LNX1: variants seen among roughly 807,000 people sequenced by gnomAD.
LNX1 encodes the protein E3 ubiquitin-protein ligase LNX.
In LNX1, 54 loss-of-function variants were observed where a neutral mutation model predicts 68.4. That is an observed-to-expected ratio of 0.79 (90% CI 0.63 to 0.99). The LOEUF is 0.99. Among genes scored for constraint, LNX1 ranks in the 50% least tolerant of loss-of-function variants. The pLI is 0.00. For synonymous variants in LNX1, 336 were observed against 350.0 expected, an observed-to-expected ratio of 0.96 and a Z score of 0.45; for missense variants, 906 against 926.4, an observed-to-expected ratio of 0.98 and a Z score of 0.29.
intron 2 of LNX1, among the ~76,000 whole-genome samples, chr4:53,569,570 A>G (rs1485880614): frequency 6.8e-6 from 1 of 146,372 alleles, no homozygotes; most frequent in Non-Finnish European, 1.5e-5. Context: ...CTAGAAGAAA[A>G]CCTAGGCATT....
intron 9 of LNX1, among the ~76,000 whole-genome samples, chr4:53,462,992 C>T (rs1722291148): frequency 1.3e-5 from 2 of 152,126 alleles, no homozygotes; most frequent in South Asian, 4.1e-4. Flanking sequence ...ATTACATTCC[C>T]ACCTGGGAGG....
chr4:53,511,995 G>T (rs1030241306), intron 2 of LNX1, among the ~76,000 whole-genome samples: 1 of 152,102 alleles, frequency 6.6e-6, no homozygotes, highest in Non-Finnish European at 1.5e-5. Context: ...TCTTTCTCTT[G>T]GTTCACTGTT....
In LNX1 at chr4:53,461,435, C is replaced by A; in HGVS notation, c.2051G>T (p.Arg684Ile). The A allele has an allele frequency of 6.2e-7, 1 of 1,602,630 alleles. No homozygotes were observed. Among genetic ancestry groups the A allele is most frequent in the South Asian group, 1.1e-5 (1 of 89,772 alleles). The change falls in exon 10 of 11, where the codon AGA (arginine) becomes ATA (isoleucine). Residue 684 changes from arginine to isoleucine, a missense_variant and splice_region_variant. By Grantham distance (97) the Arg-to-Ile change is moderately conservative (BLOSUM62 -3). Transcript: ENST00000263925. ...ATTTTTGATTAGTCATTATTATTAC[C>A]TAATTCTTCCATCATTGTATGCTGG... The part of the protein sequence containing the change: ...GTPAYNDGRI[R>I]CGDILLAVNG...
chr4:53,625,115 G>A (rs761779646), intron 1 of LNX1, among the ~76,000 whole-genome samples: 4 of 152,150 alleles, frequency 2.6e-5, no homozygotes, highest in Non-Finnish European at 5.9e-5. Flanking sequence ...AGCAAAAGCT[G>A]TGAAACTCTT....
At chr4:53,526,665 AC>A (rs1727632363) in intron 2 of LNX1, among the ~76,000 whole-genome samples, 1 of 151,284 alleles carries the variant, frequency 6.6e-6, no homozygotes, top group Non-Finnish European at 1.5e-5. Flanking sequence ...GCTCAACAAT[AC>A]CCTATTCCAT....
chr4:53,563,370 C>A (rs1730413891), intron 2 of LNX1, among the ~76,000 whole-genome samples: 1 of 152,182 alleles, frequency 6.6e-6, no homozygotes, highest in Non-Finnish European at 1.5e-5. Flanking sequence ...AAAGTAAACA[C>A]TTGCCTGTTA....
chr4:53,636,765 C>T (rs1467925725), intron 1 of LNX1, among the ~76,000 whole-genome samples: 1 of 152,098 alleles, frequency 6.6e-6, no homozygotes, highest in Non-Finnish European at 1.5e-5. Flanking sequence ...ACCCAATTAG[C>T]TGATTCCATC....
rs1184385767 is a variant in LNX1, at chr4:53,459,775, G to C, written c.*1132C>G. 1.9e-5 allele frequency: 6 copies of C among 322,900 alleles called. No individual in the cohort carries two copies. Among genetic ancestry groups the C allele is most frequent in the African/African-American group, 1.1e-4 (5 of 46,412 alleles). 20.0% of individuals were successfully genotyped at this position (322,900 alleles called of 1,614,324 possible). ...GAGAAAAGGTCAAGGGTTCCACTTG[G>C]GCCACAGTTTTTTTGTTAATCAAAC... On this transcript the variant is annotated 3_prime_UTR_variant, in exon 11 of 11. Coordinates refer to ENST00000263925, the MANE Select transcript of LNX1 (RefSeq NM_001126328.3).
At chr4:53,555,311 G>A (rs1015128235) in intron 2 of LNX1, among the ~76,000 whole-genome samples, 5 of 151,928 alleles carry the variant, frequency 3.3e-5, no homozygotes, top group African/African-American at 1.2e-4. Context: ...TAACCTTTCC[G>A]CTGGTGCCAC....
intron 2 of LNX1, among the ~76,000 whole-genome samples, chr4:53,538,544 G>A (rs987470744): frequency 6.6e-6 from 1 of 152,178 alleles, no homozygotes; most frequent in Non-Finnish European, 1.5e-5. Context: ...CAATTAATCT[G>A]AATAAGCCCT....
At chr4:53,564,869 A>G (rs1009481687) in intron 2 of LNX1, among the ~76,000 whole-genome samples, 31 of 152,172 alleles carry the variant, frequency 2.0e-4, no homozygotes, top group African/African-American at 7.5e-4. Flanking sequence ...CCCTTTCCTA[A>G]TCAAAGAAAG....
chr4:53,508,167 G>A lies in LNX1; in HGVS notation c.441C>T (p.Gly147=), dbSNP rs1726057562. 1.2e-6 allele frequency: 2 copies of A among 1,614,060 alleles called. No homozygotes were observed. Among genetic ancestry groups the A allele is most frequent in the African/African-American group, 1.3e-5 (1 of 74,932 alleles). ...TGAGGCTCGCACAGCCGTCTGGACA[G>A]CCATCTTGTGAGCGCCTCTTCCTAT... is the stretch of plus-strand genomic sequence containing the variant. ...TKDRKRRSQD[G]CPDGCASLTA... Residue 147 remains glycine, a synonymous_variant, in exon 3 of 11, where the codon GGC becomes GGT. Coordinates refer to ENST00000263925, the MANE Select transcript of LNX1 (RefSeq NM_001126328.3).
Position 53,498,863 on chromosome 4 carries a change from T to C in LNX1, c.776-20A>G, listed in dbSNP as rs747229435. 4 of 1,596,214 alleles carry C rather than the reference T, an allele frequency of 2.5e-6. No individual in the cohort carries two copies. The East Asian group carries it at 8.9e-5, about 36-fold the overall frequency. On this transcript the variant is annotated intron_variant, in intron 4 of 10. Coordinates refer to ENST00000263925, the MANE Select transcript of LNX1 (RefSeq NM_001126328.3). ...GAAAGACTGAAATGGACAAAGAGTG[T>C]TTATTTAAGACACCCACCCAATGGA...
intron 1 of LNX1, among the ~76,000 whole-genome samples, chr4:53,647,518 C>T (rs1334240155): frequency 6.6e-6 from 1 of 152,118 alleles, no homozygotes; most frequent in Non-Finnish European, 1.5e-5. Context: ...TTTATTTTCT[C>T]AGAGAAGAAG....
intron 1 of LNX1, among the ~76,000 whole-genome samples, chr4:53,646,633 A>G (rs530311929): frequency 1.1e-4 from 16 of 152,222 alleles, no homozygotes; most frequent in Non-Finnish European, 2.2e-4. Flanking sequence ...TTGAATTTTT[A>G]TATGAAATCT....
At chr4:53,580,773 T>C (rs1214488882) in intron 1 of LNX1, among the ~76,000 whole-genome samples, 1 of 152,234 alleles carries the variant, frequency 6.6e-6, no homozygotes, top group Non-Finnish European at 1.5e-5. Context: ...TCATAATGTA[T>C]ATCCAATCCT....
chr4:53,490,823 T>C (rs1724629541), intron 6 of LNX1, among the ~76,000 whole-genome samples: 1 of 152,198 alleles, frequency 6.6e-6, no homozygotes, highest in African/African-American at 2.4e-5. Flanking sequence ...ATCACATAAA[T>C]AAAATCCACT....
rs149721934 is a variant in LNX1 at position 53,486,915 on chromosome 4, T to C, written c.1351-5061A>G. Among the ~76,000 whole-genome samples, 640 of 149,686 alleles carry C rather than the reference T, an allele frequency of 4.3e-3. 1 individual carries two copies. Among genetic ancestry groups the C allele is most frequent in the African/African-American group, 0.015 (592 of 40,620 alleles). Reference sequence around the variant, plus strand: ...TACAGTGACTAAGAGAAGAAAAACATAGTCCAGAAGCCTCATTTATATGTA... The same window carrying C: ...TACAGTGACTAAGAGAAGAAAAACACAGTCCAGAAGCCTCATTTATATGTA... On this transcript the variant is annotated intron_variant, in intron 6 of 10. Transcript: ENST00000263925.
chr4:53,615,596 G>T (rs1175616130), intron 2 of LNX1, among the ~76,000 whole-genome samples: 1 of 152,178 alleles, frequency 6.6e-6, no homozygotes. Context: ...ACCCATAGAG[G>T]AAGAGCTTAG....
Sources: allele counts gnomAD v4.1 joint callset (sites outside exome capture counted in the v4.1 genomes callset), GRCh38; gene constraint gnomAD v4.1.1; transcripts MANE v1.5; gene names NCBI Gene and HGNC (gene_info 2026-07-23, HGNC 2026-07-21).